Variants in NRXN3 observed in about 807,000 individuals in gnomAD.
The protein encoded by NRXN3 is neurexin III.
NRXN3 carries 32 observed loss-of-function variants against 137.6 expected under a neutral mutation model. That is an observed-to-expected ratio of 0.23 (90% CI 0.18 to 0.31). NRXN3 has a LOEUF of 0.31. Ranked by LOEUF, NRXN3 falls within the 10% of genes least tolerant of loss-of-function variation. The pLI is 1.00. For missense variants in NRXN3, 1,574 were observed against 2,062.5 expected (o/e 0.76, Z 4.59); for synonymous variants, 798 against 784.5 (o/e 1.02, Z -0.29).
intron 4 of NRXN3, among the ~76,000 whole-genome samples, chr14:78,598,026 C>A (rs964857520): frequency 6.6e-6 from 1 of 152,194 alleles, no homozygotes; most frequent in African/African-American, 2.4e-5. Context: ...CAGCTCTGGG[C>A]CACCTTGAAG....
intron 6 of NRXN3, among the ~76,000 whole-genome samples, chr14:78,656,342 G>T (rs1601963915): frequency 6.6e-6 from 1 of 152,094 alleles, no homozygotes; most frequent in African/African-American, 2.4e-5. Flanking sequence ...CCAAGGTGAG[G>T]TGCTTGAAGC....
At chr14:79,609,136 C>G (rs1268212670) in intron 16 of NRXN3, among the ~76,000 whole-genome samples, 7 of 152,160 alleles carry the variant, frequency 4.6e-5, no homozygotes, top group Non-Finnish European at 1.0e-4. Flanking sequence ...CACTGTGACT[C>G]ATTATGGTGA....
intron 1 of NRXN3, among the ~76,000 whole-genome samples, chr14:78,236,897 AACCTCC>A (rs1367804129): frequency 4.6e-5 from 7 of 152,174 alleles, no homozygotes; most frequent in Admixed American, 3.3e-4. Flanking sequence ...TTCATGCCTT[AACCTCC>A]CTCACTACAT....
chr14:79,630,254 A>G (rs2098330914), intron 16 of NRXN3, among the ~76,000 whole-genome samples: 2 of 152,198 alleles, frequency 1.3e-5, no homozygotes, highest in African/African-American at 4.8e-5. Flanking sequence ...CCAAGAAGAA[A>G]AACATTCTTG....
At chr14:78,543,573 C>G (rs2096611761) in intron 4 of NRXN3, among the ~76,000 whole-genome samples, 1 of 151,914 alleles carries the variant, frequency 6.6e-6, no homozygotes, top group Non-Finnish European at 1.5e-5. Context: ...TGTGGAGGTA[C>G]AGGGAGGTTG....
At chr14:78,291,044 T>C (rs1445293049) in intron 3 of NRXN3, among the ~76,000 whole-genome samples, 3 of 152,240 alleles carry the variant, frequency 2.0e-5, no homozygotes, top group Non-Finnish European at 4.4e-5. Flanking sequence ...CCCAGGGCCC[T>C]TTAAACCATG....
chr14:78,948,728 T>C (rs931409354), intron 10 of NRXN3, among the ~76,000 whole-genome samples: 3 of 148,844 alleles, frequency 2.0e-5, no homozygotes, highest in African/African-American at 7.4e-5. Context: ...CAGGTTATAC[T>C]CTTCATTATC....
At chr14:79,347,758 G>A (rs2092969998) in intron 15 of NRXN3, among the ~76,000 whole-genome samples, 1 of 152,074 alleles carries the variant, frequency 6.6e-6, no homozygotes, top group Non-Finnish European at 1.5e-5. Context: ...AACCGTCTTG[G>A]TATTGACACA....
intron 6 of NRXN3, among the ~76,000 whole-genome samples, chr14:78,683,298 G>A (rs1168750303): frequency 2.6e-5 from 4 of 152,016 alleles, no homozygotes. Context: ...ATTGCTATTG[G>A]ACATTATTCT....
intron 20 of NRXN3, among the ~76,000 whole-genome samples, chr14:79,815,610 G>A (rs1040010425): frequency 4.0e-4 from 61 of 152,246 alleles, no homozygotes; most frequent in African/African-American, 1.4e-3. Flanking sequence ...AAGGAAGGAG[G>A]AAAGGAAGAG....
At chr14:79,240,975 TG>T (rs2074193091) in intron 15 of NRXN3, among the ~76,000 whole-genome samples, 3 of 152,182 alleles carry the variant, frequency 2.0e-5, no homozygotes, top group African/African-American at 7.2e-5. Flanking sequence ...TGTGTATGTG[TG>T]TGTGCATGTA....
Position 78,243,120 on chromosome 14 carries a change from C to T in NRXN3, c.27C>T (p.Phe9=). The stretch of plus-strand genomic sequence containing the variant: ...TGAGCTCCACACTCCACTCGGTTTT[C>T]TTCACCCTGAAGGTCAGCATCCTGC... MSSTLHSV[F]FTLKVSILLG... Residue 9 remains phenylalanine (F), a synonymous_variant, in exon 2 of 21, where the codon TTC becomes TTT. Coordinates refer to ENST00000335750, the MANE Select transcript of NRXN3 (RefSeq NM_001330195.2). This position sits in a 1 kb window ranked among gnomAD's most constrained non-coding sequence, Gnocchi z 4.2. 1 of 1,538,388 alleles carries T rather than the reference C, an allele frequency of 6.5e-7. No homozygotes were observed.
At chr14:79,380,108 G>A (rs988403082) in intron 15 of NRXN3, among the ~76,000 whole-genome samples, 6 of 149,996 alleles carry the variant, frequency 4.0e-5, no homozygotes, top group Non-Finnish European at 7.4e-5. Flanking sequence ...GGGAAACACC[G>A]GTGCACTGGG....
At chr14:78,776,469 A>G (rs1271200175) in intron 8 of NRXN3, among the ~76,000 whole-genome samples, 2 of 152,234 alleles carry the variant, frequency 1.3e-5, no homozygotes, top group African/African-American at 2.4e-5. Flanking sequence ...AGAGAAATTT[A>G]TTCTGATAAC....
intron 11 of NRXN3, 110 bp from the exon 12 acceptor site, chr14:78,965,915 A>G (rs897835491): frequency 6.3e-6 from 8 of 1,270,156 alleles, no homozygotes; most frequent in Non-Finnish European, 8.7e-6. Context: ...CTCACCCAAG[A>G]AAGCTGAATA....
At chr14:78,451,928 T>A (rs558363147) in intron 4 of NRXN3, among the ~76,000 whole-genome samples, 1 of 152,314 alleles carries the variant, frequency 6.6e-6, no homozygotes, top group Admixed American at 6.5e-5. Flanking sequence ...CTTTTCACAT[T>A]TCCCCATGAA....
At chr14:79,303,753 A>C (rs1233267572) in intron 15 of NRXN3, among the ~76,000 whole-genome samples, 1 of 152,012 alleles carries the variant, frequency 6.6e-6, no homozygotes, top group Non-Finnish European at 1.5e-5. Flanking sequence ...ACAATAAGTA[A>C]AGAAGTGGGC....
intron 14 of NRXN3, among the ~76,000 whole-genome samples, chr14:78,987,773 A>G (rs1427350971): frequency 2.0e-5 from 3 of 152,042 alleles, no homozygotes; most frequent in East Asian, 1.9e-4. Context: ...CCCGAAGGAG[A>G]ACAGTGTGTT....
rs182880117 is a variant in NRXN3, at chr14:78,258,959, C to T, written c.709+15157C>T. Among the ~76,000 whole-genome samples, 5 of 152,034 alleles carry T rather than the reference C, an allele frequency of 3.3e-5. No homozygotes were observed. In the East Asian group the frequency reaches 5.8e-4, roughly 18 times the overall value. On this transcript the variant is annotated intron_variant, in intron 2 of 20. Transcript: ENST00000335750. ...CAGCCTGGCCAACATAGTGAAACAC[C>T]GTTTCTACTAAAAACACAAAAAATT...
Sources: gnomAD v4.1 joint callset for allele counts (sites outside exome capture counted in the v4.1 genomes callset) on GRCh38, gnomAD v4.1.1 for gene constraint, Gnocchi (gnomAD v3.1) non-coding constraint, MANE v1.5 for transcripts, NCBI Gene and HGNC (gene_info 2026-07-23, HGNC 2026-07-21) for gene names.